Variants in TRPC5 observed in about 807,000 individuals in gnomAD.
TRPC5 encodes transient receptor potential cation channel subfamily C member 5.
A neutral mutation model predicts 56.5 loss-of-function variants in TRPC5; 9 were observed. The ratio of observed to expected loss-of-function variants is 0.16; its 90% CI spans 0.10 to 0.28. The LOEUF (loss-of-function observed/expected upper bound fraction) is 0.28, where lower values mean the gene tolerates loss of function less well. Ranked by LOEUF, TRPC5 falls within the 10% of genes least tolerant of loss-of-function variation. TRPC5 has a pLI of 1.00. For synonymous variants in TRPC5, 282 were observed against 278.5 expected, an observed-to-expected ratio of 1.01 and a Z score of -0.13; for missense variants, 469 against 748.9, an observed-to-expected ratio of 0.63 and a Z score of 4.36.
chrX:111,892,421 T>C (rs1015689950), intron 3 of TRPC5, among the ~76,000 whole-genome samples: 4 of 111,982 alleles, frequency 3.6e-5, no homozygotes, highest in Non-Finnish European at 7.5e-5. Context: ...AAAGAATCAT[T>C]GTCACAATAC....
intron 3 of TRPC5, among the ~76,000 whole-genome samples, chrX:111,856,022 T>C (rs778996825): frequency 2.7e-5 from 3 of 111,689 alleles, no homozygotes; most frequent in Non-Finnish European, 5.6e-5. Context: ...TGTGCAACAG[T>C]TGGCTAGGTG....
chrX:111,990,648 C>T (rs1928330078), intron 1 of TRPC5, among the ~76,000 whole-genome samples: 1 of 110,446 alleles, frequency 9.1e-6, no homozygotes, highest in South Asian at 3.9e-4. Context: ...TTATTTCAAC[C>T]CCGTGTGTCT....
chrX:111,813,483 A>G (rs1921772401), intron 7 of TRPC5, among the ~76,000 whole-genome samples: 1 of 112,536 alleles, frequency 8.9e-6, no homozygotes, highest in Non-Finnish European at 1.9e-5. Flanking sequence ...TCAATTTTAC[A>G]TTTCTCAACA....
chrX:111,974,220 T>G (rs1441232903), intron 1 of TRPC5, among the ~76,000 whole-genome samples: 1 of 111,805 alleles, frequency 8.9e-6, no homozygotes. Context: ...TTCTATAATT[T>G]TCTAAGCTTG....
At chrX:111,787,862 G>A (rs1366664397) in intron 7 of TRPC5, among the ~76,000 whole-genome samples, 1 of 111,336 alleles carries the variant, frequency 9.0e-6, no homozygotes, top group African/African-American at 3.3e-5. Flanking sequence ...GACTAAACCA[G>A]GAAGAAGTTG....
At chrX:112,045,939 C>T (rs1282339418) in intron 1 of TRPC5, among the ~76,000 whole-genome samples, 2 of 111,244 alleles carry the variant, frequency 1.8e-5, no homozygotes, top group African/African-American at 6.6e-5. Context: ...TGAGGAGATT[C>T]CCTCCCCACA....
intron 2 of TRPC5, among the ~76,000 whole-genome samples, chrX:111,944,267 AGTGTGTGTGTGTGT>A (rs36057312): frequency 2.8e-5 from 2 of 71,726 alleles, no homozygotes; most frequent in South Asian, 1.0e-3. Context: ...GGAGTAGAAG[AGTGTGTGTGTGTGT>A]GTGTGTGTGT....
intron 3 of TRPC5, among the ~76,000 whole-genome samples, chrX:111,858,059 A>G (rs1415124040): frequency 8.9e-6 from 1 of 112,400 alleles, no homozygotes; most frequent in Non-Finnish European, 1.9e-5. Flanking sequence ...ATCTGACAGA[A>G]GTAGTGTAGG....
At chrX:111,783,949 A>C (rs773075965) in intron 7 of TRPC5, among the ~76,000 whole-genome samples, 6 of 111,581 alleles carry the variant, frequency 5.4e-5, no homozygotes, top group Non-Finnish European at 1.1e-4. Flanking sequence ...ATTTTTCTAT[A>C]AGGGAAGAGG....
At chrX:111,963,204 G>A (rs1216271486) in intron 1 of TRPC5, among the ~76,000 whole-genome samples, 1 of 112,329 alleles carries the variant, frequency 8.9e-6, no homozygotes, top group Non-Finnish European at 1.9e-5. Flanking sequence ...AGGGTCCTAC[G>A]CCCACAGAGT....
At chrX:112,081,237 T>TGTCCGA (rs1930957372) in intron 1 of TRPC5, among the ~76,000 whole-genome samples, 2 of 112,171 alleles carry the variant, frequency 1.8e-5, no homozygotes, top group Non-Finnish European at 3.8e-5. Flanking sequence ...CATGACCATT[T>TGTCCGA]GTCCGAGTCG....
chrX:111,961,790 A>G (rs1392016479), intron 1 of TRPC5, among the ~76,000 whole-genome samples: 1 of 112,148 alleles, frequency 8.9e-6, no homozygotes, highest in East Asian at 2.8e-4. Context: ...TTCTTCCTAA[A>G]TTATTTTATT....
intron 2 of TRPC5, among the ~76,000 whole-genome samples, chrX:111,920,820 A>G (rs895437865): frequency 1.8e-5 from 2 of 111,584 alleles, no homozygotes; most frequent in African/African-American, 6.5e-5. Flanking sequence ...TTCCTACTCC[A>G]CTTTCAGATA....
At chrX:111,845,326 A>C (rs1452999024) in intron 6 of TRPC5, among the ~76,000 whole-genome samples, 1 of 111,536 alleles carries the variant, frequency 9.0e-6, no homozygotes, top group South Asian at 3.8e-4. Flanking sequence ...GGAGGAAAAA[A>C]CATCAACTGA....
chrX:111,855,966 C>T (rs746806644), intron 3 of TRPC5, among the ~76,000 whole-genome samples: 2 of 111,893 alleles, frequency 1.8e-5, no homozygotes, highest in Admixed American at 9.5e-5. Context: ...GATTGCTTAG[C>T]GAAGGCTTCC....
At chrX:111,850,073 A>G (rs765033656) in intron 5 of TRPC5, among the ~76,000 whole-genome samples, 1 of 111,748 alleles carries the variant, frequency 8.9e-6, no homozygotes, top group South Asian at 3.8e-4. Context: ...GGGGGGTGTT[A>G]TTATGTCTTT....
chrX:112,007,183 T>C (rs1333398832), intron 1 of TRPC5, among the ~76,000 whole-genome samples: 1 of 111,279 alleles, frequency 9.0e-6, no homozygotes, highest in Non-Finnish European at 1.9e-5. Flanking sequence ...CCAACTTCAG[T>C]GAAAACTCTG....
Position 111,769,802 on chromosome X carries a change from A to G in TRPC5, c.*6511T>C, listed in dbSNP as rs1306431298. Among the ~76,000 whole-genome samples, 1 of 112,019 alleles carries G rather than the reference A, an allele frequency of 8.9e-6. No individual in the cohort carries two copies. Among genetic ancestry groups the G allele is most frequent in the Non-Finnish European group, 1.9e-5 (1 of 53,173 alleles). ...CGTTTGTTTGTTTTTAACCAGAGAA[A>G]GTGGTACTCATCTTGACTACCACAT... On this transcript the variant is annotated 3_prime_UTR_variant, in exon 11 of 11. Coordinates refer to ENST00000262839, the MANE Select transcript of TRPC5 (RefSeq NM_012471.3).
chrX:111,885,547 T>G (rs1924442641), intron 3 of TRPC5, among the ~76,000 whole-genome samples: 1 of 109,594 alleles, frequency 9.1e-6, no homozygotes, highest in African/African-American at 3.3e-5. Context: ...AAAGGGTTTT[T>G]TTTTTTTTTT....
Sources: allele counts gnomAD v4.1 joint callset (sites outside exome capture counted in the v4.1 genomes callset), GRCh38; gene constraint gnomAD v4.1.1; transcripts MANE v1.5; gene names NCBI Gene and HGNC (gene_info 2026-07-23, HGNC 2026-07-21).